ACAP2: variants seen among roughly 807,000 people sequenced by gnomAD.
ACAP2 encodes arf-GAP with coiled-coil, ANK repeat and PH domain-containing protein 2.
Under a neutral mutation model 115.8 loss-of-function variants are expected in ACAP2, and 39 were observed. That is an observed-to-expected ratio of 0.34 (90% CI 0.26 to 0.44). The LOEUF is 0.44. Ranked by LOEUF, ACAP2 falls within the 20% of genes least tolerant of loss-of-function variation. The pLI is 1.00. For synonymous variants in ACAP2, 289 were observed against 315.8 expected, an observed-to-expected ratio of 0.92 and a Z score of 0.90; for missense variants, 662 against 927.6, an observed-to-expected ratio of 0.71 and a Z score of 3.72.
At chr3:195,402,351 T>C (rs1229231611) in intron 1 of ACAP2, among the ~76,000 whole-genome samples, 1 of 152,136 alleles carries the variant, frequency 6.6e-6, no homozygotes, top group African/African-American at 2.4e-5. Flanking sequence ...TCCAATCTGC[T>C]GTGCCCTCTC....
chr3:195,334,624 A>G (rs1272314944), intron 7 of ACAP2, among the ~76,000 whole-genome samples: 1 of 152,188 alleles, frequency 6.6e-6, no homozygotes, highest in Non-Finnish European at 1.5e-5. Context: ...ACTCATTTGT[A>G]TTAACAAAAC....
chr3:195,403,120 T>C (rs1019237283), intron 1 of ACAP2, among the ~76,000 whole-genome samples: 5 of 152,182 alleles, frequency 3.3e-5, no homozygotes, highest in Non-Finnish European at 4.4e-5. Flanking sequence ...GAAAGTGACA[T>C]TTGACCAAAG....
chr3:195,406,057 A>G (rs1044543906), intron 1 of ACAP2, among the ~76,000 whole-genome samples: 8 of 152,146 alleles, frequency 5.3e-5, no homozygotes, highest in Non-Finnish European at 8.8e-5. Context: ...GGGACACAGA[A>G]CCAAACCATA....
At chr3:195,404,540 T>A (rs1037285094) in intron 1 of ACAP2, among the ~76,000 whole-genome samples, 5 of 151,890 alleles carry the variant, frequency 3.3e-5, no homozygotes, top group Admixed American at 6.6e-5. Context: ...GTAACCAGAT[T>A]CCCTGCCTCC....
At chr3:195,365,417 T>TA (rs1349729004) in intron 4 of ACAP2, among the ~76,000 whole-genome samples, 2 of 152,124 alleles carry the variant, frequency 1.3e-5, no homozygotes, top group Admixed American at 1.3e-4. Flanking sequence ...AAATTTTAAA[T>TA]AAAAAAATGT....
intron 4 of ACAP2, among the ~76,000 whole-genome samples, chr3:195,371,989 A>C (rs1296286776): frequency 1.3e-5 from 2 of 152,194 alleles, no homozygotes; most frequent in African/African-American, 4.8e-5. Flanking sequence ...TCTTTCAATA[A>C]AATTTACATT....
intron 1 of ACAP2, among the ~76,000 whole-genome samples, chr3:195,422,577 TTC>T (rs1397139219): frequency 6.6e-6 from 1 of 152,046 alleles, no homozygotes; most frequent in Non-Finnish European, 1.5e-5. Flanking sequence ...TCAAAAGTGA[TTC>T]TCTTGCCTCA....
intron 8 of ACAP2, among the ~76,000 whole-genome samples, chr3:195,332,322 A>G (rs1730226449): frequency 6.6e-6 from 1 of 152,144 alleles, no homozygotes; most frequent in Non-Finnish European, 1.5e-5. Flanking sequence ...TTGGAACAAT[A>G]ACTCAATTAT....
At chr3:195,420,698 A>G (rs937114191) in intron 1 of ACAP2, among the ~76,000 whole-genome samples, 1 of 151,810 alleles carries the variant, frequency 6.6e-6, no homozygotes, top group Non-Finnish European at 1.5e-5. Context: ...GCTGGAGTGC[A>G]GTGGCGCCAT....
At chr3:195,420,558 T>C (rs1020397109) in intron 1 of ACAP2, among the ~76,000 whole-genome samples, 5 of 151,946 alleles carry the variant, frequency 3.3e-5, no homozygotes, top group South Asian at 2.1e-4. Flanking sequence ...CCGTGTTAGA[T>C]GGTCTCGATC....
At chr3:195,346,695 T>G (rs974997300) in intron 4 of ACAP2, among the ~76,000 whole-genome samples, 1 of 152,242 alleles carries the variant, frequency 6.6e-6, no homozygotes, top group African/African-American at 2.4e-5. Context: ...TTAAAACTTA[T>G]GTTCACACAA....
At chr3:195,408,588 C>T (rs545472024) in intron 1 of ACAP2, among the ~76,000 whole-genome samples, 99 of 152,202 alleles carry the variant, frequency 6.5e-4, no homozygotes, top group African/African-American at 2.3e-3. Flanking sequence ...AGGAAGAAAA[C>T]TTCCAAACTC....
chr3:195,326,873 C>T lies in ACAP2; in HGVS notation c.744+12G>A. On this transcript the variant is annotated intron_variant, in intron 9 of 22. Transcript: ENST00000326793. ...AAAGTGGAATTAATTTTTAATTTTT[C>T]CCCTGAGGTACCTTTTGTTGAATGG... is the stretch of plus-strand genomic sequence containing the variant. The T allele has an allele frequency of 6.2e-7, 1 of 1,613,296 alleles. No individual in the cohort carries two copies. Among genetic ancestry groups the T allele is most frequent in the Admixed American group, 1.7e-5 (1 of 59,988 alleles).
At chr3:195,316,779 C>T (rs1457317005) in intron 10 of ACAP2, among the ~76,000 whole-genome samples, 1 of 151,854 alleles carries the variant, frequency 6.6e-6, no homozygotes, top group African/African-American at 2.4e-5. Flanking sequence ...TATTAACTCT[C>T]AGGTTCAGAA....
chr3:195,308,160 T>A (rs546078896), intron 11 of ACAP2, among the ~76,000 whole-genome samples: 74 of 152,268 alleles, frequency 4.9e-4, no homozygotes, highest in African/African-American at 1.8e-3. Flanking sequence ...GGGGTTCTAT[T>A]TAAATTACTT....
chr3:195,280,339 G>C (rs554545995), intron 22 of ACAP2, among the ~76,000 whole-genome samples: 1 of 152,258 alleles, frequency 6.6e-6, no homozygotes, highest in African/African-American at 2.4e-5. Flanking sequence ...AGGCGTGGTG[G>C]TGGGCACCTG....
At chr3:195,399,028 T>C (rs970220051) in intron 1 of ACAP2, among the ~76,000 whole-genome samples, 2 of 152,234 alleles carry the variant, frequency 1.3e-5, no homozygotes, top group African/African-American at 2.4e-5. Context: ...AGGAAAGCTA[T>C]TGGGTTGGGG....
intron 4 of ACAP2, among the ~76,000 whole-genome samples, chr3:195,376,083 T>C (rs1733508173): frequency 6.6e-6 from 1 of 152,072 alleles, no homozygotes; most frequent in Non-Finnish European, 1.5e-5. Flanking sequence ...GTCATGTGTG[T>C]TCACATCTTA....
intron 4 of ACAP2, among the ~76,000 whole-genome samples, chr3:195,359,747 G>T (rs563668453): frequency 1.3e-5 from 2 of 152,292 alleles, no homozygotes; most frequent in East Asian, 3.9e-4. Context: ...GATTACAGGC[G>T]TGAGCCATCG....
Sources: gnomAD v4.1 joint callset for allele counts (sites outside exome capture counted in the v4.1 genomes callset) on GRCh38, gnomAD v4.1.1 for gene constraint, MANE v1.5 for transcripts, NCBI Gene and HGNC (gene_info 2026-07-23, HGNC 2026-07-21) for gene names.